Variants in SUPT6H observed in about 807,000 individuals in gnomAD.
SUPT6H encodes the protein transcription elongation factor SPT6.
In SUPT6H, 11 loss-of-function variants were observed where a neutral mutation model predicts 222.3. That is an observed-to-expected ratio of 0.05 (90% CI 0.03 to 0.08). The LOEUF is 0.08. SUPT6H is among the 10% of genes least tolerant of loss of function. The probability of loss-of-function intolerance (pLI) is 1.00; values close to 1 mark genes in which losing one functional copy is unlikely to be tolerated. For missense variants in SUPT6H, 1,422 were observed against 2,216.0 expected (o/e 0.64, Z 7.19); for synonymous variants, 762 against 801.2 (o/e 0.95, Z 0.83).
intron 1 of SUPT6H, among the ~76,000 whole-genome samples, chr17:28,669,480 G>A (rs148347980): frequency 1.3e-5 from 2 of 152,130 alleles, no homozygotes; most frequent in Non-Finnish European, 2.9e-5. Flanking sequence ...GCACTCGGCC[G>A]AATAATAATA....
chr17:28,664,255 C>T (rs1340912521), intron 1 of SUPT6H, among the ~76,000 whole-genome samples: 1 of 152,186 alleles, frequency 6.6e-6, no homozygotes, highest in East Asian at 1.9e-4. Context: ...TGCCTATAAT[C>T]CCAGCACTTT....
intron 6 of SUPT6H, among the ~76,000 whole-genome samples, chr17:28,675,694 T>C (rs2030703129): frequency 6.6e-6 from 1 of 152,206 alleles, no homozygotes; most frequent in Admixed American, 6.5e-5. Flanking sequence ...TACTGTGGGA[T>C]TGGAGTAGAG....
intron 12 of SUPT6H, 64 bp downstream of exon 12, chr17:28,681,468 T>A (rs2031099458): frequency 6.6e-7 from 1 of 1,516,662 alleles, no homozygotes; most frequent in African/African-American, 1.4e-5. Context: ...ACGCATGTAA[T>A]CCCAGCATTT....
At chr17:28,701,348 G>T in intron 36 of SUPT6H, 91 bp from the exon 37 acceptor site, 1 of 1,512,450 alleles carries the variant, frequency 6.6e-7, no homozygotes, top group South Asian at 1.2e-5. Flanking sequence ...GCTGCCCATA[G>T]GTATGAGGTT....
intron 32 of SUPT6H, among the ~76,000 whole-genome samples, chr17:28,699,566 C>G (rs2032051703): frequency 6.6e-6 from 1 of 152,180 alleles, no homozygotes; most frequent in South Asian, 2.1e-4. Context: ...TCCGGCAGTC[C>G]GTATGCAGCA....
intron 1 of SUPT6H, among the ~76,000 whole-genome samples, chr17:28,662,784 A>G (rs2072081846): frequency 6.6e-6 from 1 of 152,126 alleles, no homozygotes; most frequent in Admixed American, 6.5e-5. Context: ...CTCTTTACAT[A>G]TTGCTGAATA....
intron 33 of SUPT6H, 109 bp from the exon 34 acceptor site, chr17:28,700,064 G>A: frequency 6.6e-7 from 1 of 1,520,356 alleles, no homozygotes; most frequent in Non-Finnish European, 9.1e-7. Flanking sequence ...CTGTGCCTAT[G>A]CAGCTTCCCT....
At chr17:28,662,605 T>C (rs927625875) in intron 1 of SUPT6H, among the ~76,000 whole-genome samples, 3 of 152,166 alleles carry the variant, frequency 2.0e-5, no homozygotes, top group African/African-American at 2.4e-5. Context: ...CATCCCGTCC[T>C]TCTCTCCGCA....
At chr17:28,689,137 T>C in intron 24 of SUPT6H, 1 of 545,344 alleles carries the variant, frequency 1.8e-6, no homozygotes, top group East Asian at 3.0e-5. Context: ...ATATGGTTCA[T>C]AGTGTTTTTG....
At chr17:28,690,769 A>G (rs1264002212) in intron 26 of SUPT6H, 152 bp from the exon 27 acceptor site, 3 of 932,302 alleles carry the variant, frequency 3.2e-6, no homozygotes, top group Non-Finnish European at 4.7e-6. Context: ...GCAAGACTTC[A>G]TCTCAAAAAT....
At chr17:28,700,910 C>T (rs1158639846) in intron 35 of SUPT6H, 31 bp from the exon 36 acceptor site, 1 of 1,584,922 alleles carries the variant, frequency 6.3e-7, no homozygotes, top group Non-Finnish European at 8.6e-7. Flanking sequence ...GCCCCACACC[C>T]ATCCCTATTT....
intron 32 of SUPT6H, among the ~76,000 whole-genome samples, chr17:28,698,782 G>A (rs1373939148): frequency 1.3e-5 from 2 of 152,248 alleles, no homozygotes; most frequent in Non-Finnish European, 2.9e-5. Context: ...CCAGATGACA[G>A]GAAGCCCTAG....
intron 8 of SUPT6H, 46 bp from the exon 9 acceptor site, chr17:28,678,030 A>G: frequency 6.3e-7 from 1 of 1,577,818 alleles, no homozygotes; most frequent in Non-Finnish European, 8.7e-7. Flanking sequence ...TGGTAAGACA[A>G]ACCAAGTAAA....
intron 7 of SUPT6H, 128 bp from the exon 8 acceptor site, chr17:28,677,587 A>C (rs569493143): frequency 1.4e-6 from 1 of 707,814 alleles, no homozygotes. Flanking sequence ...CAACACTGGT[A>C]TGGCATTTGT....
Position 28,701,106 on chromosome 17 carries a change from C to T in SUPT6H, c.4972C>T (p.Arg1658Trp), listed in dbSNP as rs772337051. 5.0e-6 allele frequency: 8 copies of T among 1,611,506 alleles called. No homozygotes were observed. Among genetic ancestry groups the T allele is most frequent in the South Asian group, 1.1e-5 (1 of 90,950 alleles). ...QAQPQPSSSS[R>W]QRQQQPKSNS... ...CCAGCCCCAGCCCTCTTCCAGCTCC[C>T]GGCAACGGCAGCAGCAGCCAAAGTA... The change falls in exon 36 of 37, where the codon CGG (arginine) becomes TGG (tryptophan). Residue 1658 changes from arginine (R) to tryptophan (W), a missense_variant. By Grantham distance (101) the Arg-to-Trp change is moderately radical (BLOSUM62 -3). Around this residue, in one of 13 missense-constraint regions of SUPT6H, gnomAD observed 395 missense variants for 580.6 expected, o/e 0.68. Transcript: ENST00000314616.
chr17:28,689,332 T>G (rs1310019009), intron 24 of SUPT6H, 22 bp from the exon 25 acceptor site: 1 of 1,613,328 alleles, frequency 6.2e-7, no homozygotes, highest in Non-Finnish European at 8.5e-7. Context: ...TATATCCTGT[T>G]CCTTTTCTGC....
At chr17:28,685,870 A>G (rs1597707061) in intron 19 of SUPT6H, among the ~76,000 whole-genome samples, 1 of 152,188 alleles carries the variant, frequency 6.6e-6, no homozygotes. Context: ...TGAAATAGCC[A>G]CAAAAGGAGG....
chr17:28,676,278 G>C lies in SUPT6H; in HGVS notation c.745G>C (p.Gly249Arg). The C allele has an allele frequency of 6.2e-7, 1 of 1,613,930 alleles. No individual in the cohort carries two copies. Residue 249 changes from glycine (G) to arginine (R), a missense_variant, in exon 7 of 37, where the codon GGT (glycine) becomes CGT (arginine). Gly to Arg is a moderately radical substitution (Grantham distance 125). Coordinates refer to ENST00000314616, the MANE Select transcript of SUPT6H (RefSeq NM_003170.5). ...TGAGTATGAGGATGATGAGGCTGAG[G>C]GTGAAATCCGAGTGCGCCCCAAGAA... is the stretch of plus-strand genomic sequence containing the variant. ...EYEYEDDEAE[G>R]EIRVRPKKTT... is the part of the protein sequence containing the mutation.
At position 28,702,318 on chromosome 17, in the gene SUPT6H, G is replaced by C. The variant is rs900501773; in HGVS notation, c.*693G>C. Reference sequence around the variant, plus strand: ...TGTTTGGAGCTCCAAGGACTCCCCTGACTCCCTCTTCTGATCCATCAGAGG... The same window carrying C: ...TGTTTGGAGCTCCAAGGACTCCCCTCACTCCCTCTTCTGATCCATCAGAGG... On this transcript the variant is annotated 3_prime_UTR_variant, in exon 37 of 37. Transcript: ENST00000314616. 6.5e-6 allele frequency: 1 copy of C among 152,746 alleles called. No homozygotes were observed. Among genetic ancestry groups the C allele is most frequent in the African/African-American group, 2.4e-5 (1 of 41,442 alleles). The allele number at this position is 152,746 out of a possible 1,614,324, so 9.5% of individuals were successfully genotyped here.
Sources: allele counts gnomAD v4.1 joint callset (sites outside exome capture counted in the v4.1 genomes callset), GRCh38; gene constraint gnomAD v4.1.1; regional missense constraint gnomAD v4.1.1; transcripts MANE v1.5; gene names NCBI Gene and HGNC (gene_info 2026-07-23, HGNC 2026-07-21).